PGAP6: variants seen among roughly 807,000 people sequenced by gnomAD.
PGAP6 encodes post-GPI attachment to proteins 6, also known as post-GPI attachment to proteins factor 6.
In PGAP6, 62 loss-of-function variants were observed where a neutral mutation model predicts 68.4. That is an observed-to-expected ratio of 0.91 (90% CI 0.74 to 1.12). The LOEUF (loss-of-function observed/expected upper bound fraction) is 1.12. Ranked by LOEUF, PGAP6 falls within the 50% of genes most tolerant of loss-of-function variation. PGAP6 has a pLI of 0.00. For missense variants in PGAP6, 1,188 were observed against 1,068.5 expected, an observed-to-expected ratio of 1.11 and a Z score of -1.56; for synonymous variants, 575 against 474.0, an observed-to-expected ratio of 1.21 and a Z score of -2.77.
In PGAP6 at chr16:375,322, A is replaced by G. The variant is rs2054372308; in HGVS notation, c.1315+23T>C. The G allele has an allele frequency of 1.9e-6, 3 of 1,612,686 alleles. No individual in the cohort carries two copies. In the African/African-American group the frequency reaches 4.0e-5, roughly 21 times the overall value. ...CGGGGGGCTGGCCGGGGCCACGCTG[A>G]CGGTGACGCCTGCCCATCATACCTG... On this transcript the variant is annotated intron_variant, in intron 7 of 12. Transcript: ENST00000431232.
chr16:377,223 G>A (rs1406456263), intron 3 of PGAP6, 59 bp from the exon 4 acceptor site: 3 of 1,608,648 alleles, frequency 1.9e-6, no homozygotes, highest in Non-Finnish European at 2.5e-6. Flanking sequence ...GTGAGGGCAT[G>A]GTCTCACCAG....
chr16:385,546 C>T (rs1297196164), upstream of PGAP6, among the ~76,000 whole-genome samples: 6 of 150,208 alleles, frequency 4.0e-5, 1 homozygote, highest in South Asian at 6.3e-4. Context: ...CTCCTGACCT[C>T]ATGATCCGCC....
At chr16:374,999 C>T in intron 8 of PGAP6, 107 bp from the exon 9 acceptor site, 1 of 1,577,494 alleles carries the variant, frequency 6.3e-7, no homozygotes, top group Non-Finnish European at 8.6e-7. Flanking sequence ...TTAGGGCCCC[C>T]AGCTTTCAGC....
In PGAP6 at chr16:377,164, C is replaced by A. The variant is rs753218393; in HGVS notation, c.508G>T (p.Gly170Cys). The change falls in exon 4 of 13, where the codon GGC (glycine) becomes TGC (cysteine). Residue 170 changes from glycine (G) to cysteine (C), a missense_variant and splice_region_variant. Gly to Cys is a radical substitution (Grantham distance 159). Coordinates refer to ENST00000431232, the MANE Select transcript of PGAP6 (RefSeq NM_021259.3). ...ACGTAGGCACAGGTGGGAGCCAAGCCCTAGGGAAAGAACAGGTGTGGGCGG... is the reference window on the plus strand; with the variant it reads ...ACGTAGGCACAGGTGGGAGCCAAGCACTAGGGAAAGAACAGGTGTGGGCGG... The part of the protein sequence containing the change: ...PPSSQKIELK[G>C]LAPTCAYVFQ... 7 of 1,613,348 alleles carry A rather than the reference C, an allele frequency of 4.3e-6. No homozygotes were observed. The highest frequency in any genetic ancestry group is 5.9e-6 in the Non-Finnish European group (7 of 1,179,996).
At position 377,527 on chromosome 16, in the gene PGAP6, C is replaced by T. The variant is rs1260761829; in HGVS notation, c.358G>A (p.Asp120Asn). 1.4e-5 allele frequency: 23 copies of T among 1,594,006 alleles called. No homozygotes were observed. The highest frequency in any genetic ancestry group is 8.0e-5 in the African/African-American group (6 of 74,666). The change falls in exon 3 of 13, where the codon GAC becomes AAC. Residue 120 changes from aspartate to asparagine, a missense_variant. Asp to Asn is a conservative substitution (Grantham distance 23). Coordinates refer to ENST00000431232, the MANE Select transcript of PGAP6 (RefSeq NM_021259.3). Reference protein sequence around the residue: ...INPLGTSFPDDTAVQPSFQVG... With the variant: ...INPLGTSFPDNTAVQPSFQVG... The stretch of plus-strand genomic sequence containing the variant: ...TGGAAGGAGGGCTGTACCGCGGTGT[C>T]GTCCGGGAAGCTGGTGCCCAGCGGG...
upstream of PGAP6, chr16:382,451 G>T: frequency 2.7e-6 from 1 of 374,884 alleles, no homozygotes; most frequent in African/African-American, 2.1e-5. Flanking sequence ...CCCCCGGGCC[G>T]GCCTTCACGC....
In PGAP6 at chr16:381,885, C is replaced by T. The variant is rs1234541562; in HGVS notation, c.-64G>A. On this transcript the variant is annotated 5_prime_UTR_variant, in exon 1 of 13. Coordinates refer to ENST00000431232, the MANE Select transcript of PGAP6 (RefSeq NM_021259.3). The stretch of plus-strand genomic sequence containing the variant: ...CGCGCCGCCGGCCCCCGCCGCCGCC[C>T]GGGCAGCCTCTGCCGCCTCCGCCTC... 5 of 974,968 alleles carry T rather than the reference C, an allele frequency of 5.1e-6. No homozygotes were observed. Among genetic ancestry groups the T allele is most frequent in the Admixed American group, 1.3e-4 (2 of 15,784 alleles). The allele number at this position is 974,968 out of a possible 1,614,324, so 60.4% of individuals were successfully genotyped here.
chr16:384,747 T>C (rs897652430), upstream of PGAP6, among the ~76,000 whole-genome samples: 7 of 151,620 alleles, frequency 4.6e-5, no homozygotes, highest in East Asian at 9.7e-4. Flanking sequence ...TCCCAGCTAC[T>C]CCAGAGGCTG....
chr16:377,016 G>C (rs1194367970), intron 4 of PGAP6, 21 bp downstream of exon 4: 1 of 1,611,786 alleles, frequency 6.2e-7, no homozygotes, highest in Admixed American at 1.7e-5. Flanking sequence ...GAGCCGGGCT[G>C]CCCCCCAGGC....
At position 377,252 on chromosome 16, in the gene PGAP6, G is replaced by A. The variant is rs542531614; in HGVS notation, c.508-88C>T. 5.2e-5 allele frequency: 83 copies of A among 1,598,298 alleles called. No individual in the cohort carries two copies. The African/African-American group carries it at 8.1e-4, about 16-fold the overall frequency. On this transcript the variant is annotated intron_variant, in intron 3 of 12. Transcript: ENST00000431232. Reference sequence around the variant, plus strand: ...TCACCAGACGCCCCCGGCATGCAGGGAGCAGGGCTGGCCCCAGAGTGCAGC... The same window carrying A: ...TCACCAGACGCCCCCGGCATGCAGGAAGCAGGGCTGGCCCCAGAGTGCAGC...
chr16:374,539 AG>A (rs1473012146), intron 9 of PGAP6, 140 bp from the exon 10 acceptor site: 2 of 1,132,938 alleles, frequency 1.8e-6, no homozygotes, highest in Non-Finnish European at 2.4e-6. Flanking sequence ...GTCCAAGGTC[AG>A]GAGGCAGTAC....
At chr16:378,703 C>T (rs989457249) in intron 1 of PGAP6, among the ~76,000 whole-genome samples, 1 of 152,218 alleles carries the variant, frequency 6.6e-6, no homozygotes, top group Non-Finnish European at 1.5e-5. Context: ...GGGTTGGCTG[C>T]CTGCTTGGGC....
At chr16:382,427 C>A, upstream of PGAP6, 1 of 377,044 alleles carries the variant, frequency 2.7e-6, no homozygotes, top group Non-Finnish European at 4.7e-6. Context: ...GAGTCAGGCG[C>A]CTCAGCACGG....
At position 372,107 on chromosome 16, in the gene PGAP6, G is replaced by A. The variant is rs376501955; in HGVS notation, c.2196C>T (p.Ser732=). Residue 732 remains serine, a synonymous_variant, in exon 13 of 13, where the codon AGC becomes AGT. Coordinates refer to ENST00000431232, the MANE Select transcript of PGAP6 (RefSeq NM_021259.3). ...HSIWHILLAG[S]AALLLPPPDQ... ...CAGGTGGCGGCAGCAGCAAGGCTGC[G>A]CTCCCGGCCAGCAGGATGTGCCAGA... 1.7e-5 allele frequency: 27 copies of A among 1,612,668 alleles called. No homozygotes were observed. The highest frequency in any genetic ancestry group is 3.3e-4 in the Middle Eastern group (2 of 6,084).
chr16:375,529 C>CTTTATT, intron 6 of PGAP6, 94 bp from the exon 7 acceptor site: 1 of 1,021,216 alleles, frequency 9.8e-7, no homozygotes, highest in Non-Finnish European at 1.5e-6. Context: ...GTGCTGGTGC[C>CTTTATT]TTTCTTTTTT....
chr16:375,263 G>T lies in PGAP6; in HGVS notation c.1316-7C>A, dbSNP rs537240565. On this transcript the variant is annotated splice_polypyrimidine_tract_variant and splice_region_variant and intron_variant, in intron 7 of 12. Coordinates refer to ENST00000431232, the MANE Select transcript of PGAP6 (RefSeq NM_021259.3). The stretch of plus-strand genomic sequence containing the variant: ...GGGTAGCCCTGGAAGAAGGCTGCAG[G>T]GGAGCCAGAGGGCCCCATCAGAGGA... 5.6e-6 allele frequency: 9 copies of T among 1,612,888 alleles called. No homozygotes were observed. In the East Asian group the frequency reaches 8.9e-5, roughly 16 times the overall value.
Position 377,364 on chromosome 16 carries a change from G to C in PGAP6, c.507+14C>G. ...AGGTTCTCTGCCTCCATCCCGGAGG[G>C]CAGCCCCCCTCACCTTCAACTCGAT... On this transcript the variant is annotated intron_variant, in intron 3 of 12. Coordinates refer to ENST00000431232, the MANE Select transcript of PGAP6 (RefSeq NM_021259.3). 1 of 1,575,894 alleles carries C rather than the reference G, an allele frequency of 6.3e-7. No individual in the cohort carries two copies. Among genetic ancestry groups the C allele is most frequent in the Non-Finnish European group, 8.6e-7 (1 of 1,158,482 alleles).
chr16:374,254 G>A lies in PGAP6; in HGVS notation c.1722C>T (p.Ala574=), dbSNP rs1196277662. The change falls in exon 10 of 13, where the codon GCC becomes GCT. Residue 574 remains alanine, a synonymous_variant. Coordinates refer to ENST00000431232, the MANE Select transcript of PGAP6 (RefSeq NM_021259.3). The part of the protein sequence containing the change: ...VSVRRFFLVE[A]SVYAYTMFFS... ...AGAACATGGTGTAGGCGTAGACGGA[G>A]GCCTCCACCAGGAAGAATCGCCGCA... 4.4e-6 allele frequency: 7 copies of A among 1,608,208 alleles called. No homozygotes were observed. The highest frequency in any genetic ancestry group is 1.3e-5 in the African/African-American group (1 of 74,888).
Position 376,561 on chromosome 16 carries a change from G to A in PGAP6, c.887C>T (p.Ala296Val). 6.4e-7 allele frequency: 1 copy of A among 1,554,530 alleles called. No homozygotes were observed. Among genetic ancestry groups the A allele is most frequent in the Non-Finnish European group, 8.7e-7 (1 of 1,149,270 alleles). The stretch of plus-strand genomic sequence containing the variant: ...CGGCCCACCTGTGAGGGCAGCTACA[G>A]CACTGAAAGCCACTGTCCCGAGGGG... ...VGPLGTVAFS[A>V]VAALTACRPR... is the part of the protein sequence containing the mutation. The change falls in exon 5 of 13, where the codon GCT (alanine) becomes GTT (valine). Residue 296 changes from alanine (A) to valine (V), a missense_variant. Transcript: ENST00000431232.
Sources: gnomAD v4.1 joint callset for allele counts (sites outside exome capture counted in the v4.1 genomes callset) on GRCh38, gnomAD v4.1.1 for gene constraint, MANE v1.5 for transcripts, NCBI Gene and HGNC (gene_info 2026-07-23, HGNC 2026-07-21) for gene names.